Variants in ATP2C1 observed in about 807,000 individuals in gnomAD.
ATP2C1 encodes the protein ATPase secretory pathway Ca2+ transporting 1.
Under a neutral mutation model 120.5 loss-of-function variants are expected in ATP2C1, and 31 were observed. That is an observed-to-expected ratio of 0.26 (90% CI 0.19 to 0.35). The LOEUF (loss-of-function observed/expected upper bound fraction) is 0.35. Ranked by LOEUF, ATP2C1 falls within the 10% of genes least tolerant of loss-of-function variation. The probability of loss-of-function intolerance (pLI) is 1.00; values close to 1 mark genes in which losing one functional copy is unlikely to be tolerated. For missense variants in ATP2C1, 731 were observed against 1,107.5 expected (o/e 0.66, Z 4.83); for synonymous variants, 351 against 358.7 (o/e 0.98, Z 0.24).
chr3:130,918,305 A>G (rs2058778266), intron 2 of ATP2C1: 1 of 1,561,240 alleles, frequency 6.4e-7, no homozygotes. Flanking sequence ...TTTACAATAG[A>G]TTTCACCTTC....
intron 1 of ATP2C1, among the ~76,000 whole-genome samples, chr3:130,873,790 A>G (rs1427221523): frequency 1.3e-5 from 2 of 152,156 alleles, no homozygotes; most frequent in African/African-American, 4.8e-5. Flanking sequence ...CCATAGTCGA[A>G]TCTGTCACTA....
intron 8 of ATP2C1, among the ~76,000 whole-genome samples, chr3:130,945,318 A>G (rs190639419): frequency 1.2e-4 from 19 of 152,282 alleles, no homozygotes; most frequent in Admixed American, 3.9e-4. Context: ...CTTATTGACT[A>G]TGTATGCCTG....
At chr3:130,856,248 C>T (rs769435234) in intron 1 of ATP2C1, 2 of 152,090 alleles carry the variant, frequency 1.3e-5, no homozygotes, top group African/African-American at 4.8e-5. Context: ...TGAATGCTAA[C>T]CTCAAAGTTG....
At chr3:131,008,068 A>T (rs2063182836), downstream of ATP2C1, among the ~76,000 whole-genome samples, 1 of 152,180 alleles carries the variant, frequency 6.6e-6, no homozygotes, top group South Asian at 2.1e-4. Context: ...CATCAGCTAG[A>T]GGTATTACAA....
intron 21 of ATP2C1, 121 bp downstream of exon 21, chr3:130,993,122 G>GT (rs368420892): frequency 0.2 from 108,539 of 547,982 alleles, 42 homozygotes; most frequent in South Asian, 0.28. Context: ...AAGCAAAACA[G>GT]TTTTTTTTTT....
At chr3:130,937,507 C>CTT (rs1218015436) in intron 6 of ATP2C1, 44 bp downstream of exon 6, 15 of 1,549,380 alleles carry the variant, frequency 9.7e-6, no homozygotes, top group Non-Finnish European at 1.2e-5. Flanking sequence ...ATGTTAATTG[C>CTT]TTAAAAATCA....
chr3:130,932,769 T>C (rs1368568905), intron 4 of ATP2C1, among the ~76,000 whole-genome samples: 1 of 152,162 alleles, frequency 6.6e-6, no homozygotes, highest in Non-Finnish European at 1.5e-5. Context: ...GCTAAACAAA[T>C]ATTTTTTGCT....
At position 131,002,948 on chromosome 3, in the gene ATP2C1, A is replaced by T; in HGVS notation, c.*1598A>T. The T allele has an allele frequency of 1.0e-6, 1 of 985,666 alleles. No homozygotes were observed. 61.1% of individuals were successfully genotyped at this position (985,666 alleles called of 1,614,324 possible). The stretch of plus-strand genomic sequence containing the variant: ...GAACATGGAAGCCATTGTCTAATCA[A>T]CTCTATCATTAGTGACTTGATGTCT... On this transcript the variant is annotated 3_prime_UTR_variant, in exon 28 of 28. Transcript: ENST00000510168.
Position 130,982,467 on chromosome 3 carries a change from C to G in ATP2C1, c.1839+1788C>G, listed in dbSNP as rs139280862. Among the ~76,000 whole-genome samples the G allele has an allele frequency of 5.4e-3, 829 of 152,226 alleles. 13 individuals are homozygous for G. The highest frequency in any genetic ancestry group is 0.019 in the African/African-American group (791 of 41,518). On this transcript the variant is annotated intron_variant, in intron 20 of 27. Transcript: ENST00000510168. Reference sequence around the variant, plus strand: ...CTATCAAAGCCTGGTTTGTGGATACCCAGGTCCCATAGGAAGTGCCCCATA... The same window carrying G: ...CTATCAAAGCCTGGTTTGTGGATACGCAGGTCCCATAGGAAGTGCCCCATA...
intron 2 of ATP2C1, among the ~76,000 whole-genome samples, chr3:130,911,063 G>T (rs2058383409): frequency 2.0e-5 from 3 of 152,002 alleles, no homozygotes; most frequent in Non-Finnish European, 4.4e-5. Context: ...ATTTGGCTGT[G>T]AATCCATCTG....
At chr3:131,013,951 C>G in intron 26 of ATP2C1, 1 of 739,236 alleles carries the variant, frequency 1.4e-6, no homozygotes, top group South Asian at 2.1e-5. Context: ...TGTTTATCCC[C>G]TAACAGGTCA....
chr3:130,904,757 A>G (rs1206329999), intron 2 of ATP2C1, among the ~76,000 whole-genome samples: 1 of 152,008 alleles, frequency 6.6e-6, no homozygotes, highest in Admixed American at 6.6e-5. Flanking sequence ...GGCAGCAGTT[A>G]TTACTGCTTT....
intron 14 of ATP2C1, among the ~76,000 whole-genome samples, chr3:130,965,321 T>C (rs2061004538): frequency 6.6e-6 from 1 of 152,100 alleles, no homozygotes; most frequent in African/African-American, 2.4e-5. Context: ...CTAAAGAATT[T>C]TCCCAGCCAT....
intron 1 of ATP2C1, among the ~76,000 whole-genome samples, chr3:130,871,396 T>C (rs532272699): frequency 2.0e-5 from 3 of 152,364 alleles, no homozygotes; most frequent in Non-Finnish European, 4.4e-5. Context: ...CCTAAAGGAC[T>C]AATTAAAACA....
At chr3:130,858,161 G>T (rs1465123259) in intron 1 of ATP2C1, among the ~76,000 whole-genome samples, 2 of 152,234 alleles carry the variant, frequency 1.3e-5, no homozygotes, top group East Asian at 3.9e-4. Context: ...CGCCCACCCA[G>T]ATTGAGGGTG....
At chr3:130,914,435 A>G (rs1181135351) in intron 2 of ATP2C1, 1 of 152,206 alleles carries the variant, frequency 6.6e-6, no homozygotes, top group Admixed American at 6.5e-5. Flanking sequence ...AGATAACTCA[A>G]CTGCCTTCAG....
chr3:130,889,869 C>G (rs760821495), upstream of ATP2C1, among the ~76,000 whole-genome samples: 23 of 151,976 alleles, frequency 1.5e-4, no homozygotes, highest in Non-Finnish European at 2.6e-4. Flanking sequence ...TGGTCTTGAA[C>G]TCCTGGGCTC....
chr3:130,934,512 C>A, intron 4 of ATP2C1, 110 bp from the exon 5 acceptor site: 1 of 724,946 alleles, frequency 1.4e-6, no homozygotes. Context: ...TGAGTATAGA[C>A]TTTTGTAATT....
chr3:130,981,338 T>G (rs1379584172), intron 20 of ATP2C1, among the ~76,000 whole-genome samples: 1 of 152,216 alleles, frequency 6.6e-6, no homozygotes, highest in Non-Finnish European at 1.5e-5. Context: ...CTTAGCATAA[T>G]GCATTTGACA....
Sources: allele counts gnomAD v4.1 joint callset (sites outside exome capture counted in the v4.1 genomes callset), GRCh38; gene constraint gnomAD v4.1.1; transcripts MANE v1.5; gene names NCBI Gene and HGNC (gene_info 2026-07-23, HGNC 2026-07-21).